The following NXPE4 variants were observed in gnomAD, a reference collection of about 807,000 sequenced individuals.
The protein encoded by NXPE4 is NXPE family member 4.
Under a neutral mutation model 33.3 loss-of-function variants are expected in NXPE4, and 42 were observed. The observed-to-expected ratio is 1.26, with a 90% CI of 0.98 to 1.63. The LOEUF (loss-of-function observed/expected upper bound fraction) is 1.63, where lower values mean the gene tolerates loss of function less well. NXPE4 is among the 40% of genes most tolerant of loss of function. NXPE4 has a pLI of 0.00. For missense variants in NXPE4, 709 were observed against 647.6 expected, an observed-to-expected ratio of 1.09 and a Z score of -1.03; for synonymous variants, 253 against 234.9, an observed-to-expected ratio of 1.08 and a Z score of -0.71.
the NXPE4 span, among the ~76,000 whole-genome samples, chr11:114,603,755 T>G: frequency 4.1e-5 from 6 of 146,774 alleles, no homozygotes; most frequent in East Asian, 2.0e-4. Flanking sequence ...GATAAGTATT[T>G]CCTCGTCTCC....
chr11:114,635,949 G>A, the NXPE4 span, among the ~76,000 whole-genome samples: 3 of 152,106 alleles, frequency 2.0e-5, no homozygotes, highest in African/African-American at 4.8e-5. Context: ...TTCTCTGCCC[G>A]TCTTTGGTAT....
upstream of NXPE4, among the ~76,000 whole-genome samples, chr11:114,600,714 C>A (rs1480559251): frequency 6.6e-6 from 1 of 151,594 alleles, no homozygotes; most frequent in Non-Finnish European, 1.5e-5. Context: ...TAGTAAAATC[C>A]AAAAAAAGTC....
chr11:114,636,574 T>G, the NXPE4 span, among the ~76,000 whole-genome samples: 1 of 151,872 alleles, frequency 6.6e-6, no homozygotes, highest in Admixed American at 6.6e-5. Flanking sequence ...ATTTTGGATC[T>G]TTCCTGCTTT....
At chr11:114,598,890 G>C (rs1177817589), upstream of NXPE4, among the ~76,000 whole-genome samples, 3 of 152,158 alleles carry the variant, frequency 2.0e-5, no homozygotes, top group African/African-American at 7.2e-5. Context: ...AGCTACCAAG[G>C]CTTATGGCTT....
the NXPE4 span, among the ~76,000 whole-genome samples, chr11:114,616,448 C>G: frequency 6.6e-6 from 1 of 151,544 alleles, no homozygotes; most frequent in African/African-American, 2.4e-5. Context: ...TCTAGTGTAA[C>G]CACTGTTACC....
the NXPE4 span, among the ~76,000 whole-genome samples, chr11:114,607,277 T>C: frequency 6.6e-6 from 1 of 151,840 alleles, no homozygotes. Flanking sequence ...GGGTAACCAC[T>C]GTTGCCTGGT....
chr11:114,594,567 A>G (rs1949535823), intron 2 of NXPE4, 97 bp downstream of exon 2: 3 of 777,034 alleles, frequency 3.9e-6, no homozygotes, highest in Admixed American at 2.4e-5. Flanking sequence ...CTCCCCTCCT[A>G]TAATCTACAA....
the NXPE4 span, among the ~76,000 whole-genome samples, chr11:114,617,923 A>G: frequency 7.2e-6 from 1 of 138,126 alleles, no homozygotes; most frequent in South Asian, 2.3e-4. Flanking sequence ...TAACCACTGT[A>G]ATCTGCTGCA....
chr11:114,595,502 A>G (rs1429667881), intron 1 of NXPE4, 90 bp downstream of exon 1: 4 of 152,252 alleles, frequency 2.6e-5, no homozygotes, highest in Non-Finnish European at 5.9e-5. Context: ...CCAGATCCCT[A>G]GTTTATACAT....
Position 114,587,652 on chromosome 11 carries a change from C to T in NXPE4, c.97-4631G>A, listed in dbSNP as rs186474911. On this transcript the variant is annotated intron_variant, in intron 2 of 5. Transcript: ENST00000375478. ...CCTTAAAAGATGCCAGGGCTCAGGG[C>T]GCCAAGGAGGGAAAACAGTTGGGGG... Among the ~76,000 whole-genome samples, 472 of 152,294 alleles carry T rather than the reference C, an allele frequency of 3.1e-3. 3 individuals are homozygous for T. The highest frequency in any genetic ancestry group is 0.01 in the African/African-American group (428 of 41,570).
chr11:114,666,408 T>A, the NXPE4 span, among the ~76,000 whole-genome samples: 1 of 152,138 alleles, frequency 6.6e-6, no homozygotes, highest in African/African-American at 2.4e-5. Context: ...AAAGGGAAAT[T>A]GATTAAAAAA....
the NXPE4 span, among the ~76,000 whole-genome samples, chr11:114,675,768 C>T: frequency 6.6e-6 from 1 of 151,858 alleles, no homozygotes; most frequent in Admixed American, 6.6e-5. Context: ...TTACATGGAA[C>T]CACAAAAGAC....
intron 2 of NXPE4, chr11:114,583,964 G>A (rs1949221072): frequency 2.6e-6 from 1 of 383,684 alleles, no homozygotes; most frequent in Middle Eastern, 9.0e-4. Flanking sequence ...TGAGTCCTAT[G>A]AGGCCATTTT....
chr11:114,674,484 T>C, the NXPE4 span, among the ~76,000 whole-genome samples: 2 of 151,644 alleles, frequency 1.3e-5, no homozygotes, highest in African/African-American at 4.8e-5. Flanking sequence ...TTTAGAGCCA[T>C]AGTATGTTTT....
intron 2 of NXPE4, among the ~76,000 whole-genome samples, chr11:114,585,298 G>A (rs1485387678): frequency 1.3e-5 from 2 of 151,758 alleles, no homozygotes; most frequent in Admixed American, 6.6e-5. Flanking sequence ...TAATAAAATG[G>A]TATATTTCAT....
At chr11:114,593,785 A>G (rs1461297902) in intron 2 of NXPE4, among the ~76,000 whole-genome samples, 1 of 152,200 alleles carries the variant, frequency 6.6e-6, no homozygotes, top group Non-Finnish European at 1.5e-5. Context: ...GTGTCCATCA[A>G]CAGACAAATA....
chr11:114,613,740 C>T, the NXPE4 span, among the ~76,000 whole-genome samples: 1 of 151,564 alleles, frequency 6.6e-6, no homozygotes, highest in Non-Finnish European at 1.5e-5. Flanking sequence ...TCATGGGGAA[C>T]CACTGTTACC....
chr11:114,649,798 G>A, the NXPE4 span, among the ~76,000 whole-genome samples: 1 of 152,090 alleles, frequency 6.6e-6, no homozygotes, highest in Admixed American at 6.5e-5. Flanking sequence ...CTGCCTTTGG[G>A]CTAATATTTA....
chr11:114,628,072 G>C, the NXPE4 span, among the ~76,000 whole-genome samples: 3 of 149,300 alleles, frequency 2.0e-5, no homozygotes, highest in South Asian at 6.6e-4. Context: ...TTAATAATGG[G>C]AGACTTTAAC....
Sources: allele counts gnomAD v4.1 joint callset (sites outside exome capture counted in the v4.1 genomes callset), GRCh38; gene constraint gnomAD v4.1.1; transcripts MANE v1.5; gene names NCBI Gene and HGNC (gene_info 2026-07-23, HGNC 2026-07-21).